The following NSUN6 variants were observed in gnomAD, a reference collection of about 807,000 sequenced individuals.
NSUN6 encodes the protein tRNA (cytosine(72)-C(5))-methyltransferase NSUN6.
A neutral mutation model predicts 58.0 loss-of-function variants in NSUN6; 64 were observed. The ratio of observed to expected loss-of-function variants is 1.10; its 90% CI spans 0.90 to 1.36. The LOEUF (loss-of-function observed/expected upper bound fraction) is 1.36. Ranked by LOEUF, NSUN6 falls within the 40% of genes most tolerant of loss-of-function variation. The probability of loss-of-function intolerance (pLI) is 0.00; values close to 1 mark genes in which losing one functional copy is unlikely to be tolerated. For missense variants in NSUN6, 701 were observed against 550.1 expected (o/e 1.27, Z -2.74); for synonymous variants, 231 against 193.9 (o/e 1.19, Z -1.59).
At chr10:18,650,071 A>G (rs1480866441) in intron 1 of NSUN6, among the ~76,000 whole-genome samples, 3 of 152,388 alleles carry the variant, frequency 2.0e-5, no homozygotes, top group South Asian at 2.1e-4. Context: ...GTAAAGTGGT[A>G]GAGAGGACAG....
intron 5 of NSUN6, among the ~76,000 whole-genome samples, chr10:18,610,366 T>C (rs1295779948): frequency 6.6e-6 from 1 of 152,198 alleles, no homozygotes; most frequent in African/African-American, 2.4e-5. Flanking sequence ...AAGAACTCTT[T>C]TTATTAAACA....
rs566614134 is a variant in NSUN6, at chr10:18,603,487, T to G, written c.657+6358A>C. Among the ~76,000 whole-genome samples the G allele has an allele frequency of 1.7e-3, 252 of 151,960 alleles. 2 individuals are homozygous for G. The highest frequency in any genetic ancestry group is 1.4e-3 in the Non-Finnish European group (94 of 67,934). On this transcript the variant is annotated intron_variant, in intron 6 of 10. Coordinates refer to ENST00000377304, the MANE Select transcript of NSUN6 (RefSeq NM_182543.5). ...TCTTTTCTTTTCTTTTCTTTTTTTT[T>G]GGGATGGAGTCTCGCTCTTGTCGCC...
At chr10:18,603,783 C>G (rs1356061736) in intron 6 of NSUN6, among the ~76,000 whole-genome samples, 3 of 151,994 alleles carry the variant, frequency 2.0e-5, no homozygotes, top group African/African-American at 7.3e-5. Flanking sequence ...GGCCACACAC[C>G]CTTTTTATTA....
chr10:18,593,875 T>TA lies in NSUN6; in HGVS notation c.777+2332dup, dbSNP rs772814324. Among the ~76,000 whole-genome samples, 766 of 96,288 alleles carry TA rather than the reference T, an allele frequency of 8.0e-3. 1 individual carries two copies. The highest frequency in any genetic ancestry group is 0.01 in the Non-Finnish European group (424 of 41,444). The allele number at this position is 96,288 out of a possible 152,430, so 63.2% of individuals were successfully genotyped here. ...TGTATTGCAGAACTTAAAGCACAAT[T>TA]AAAAAAAAAAAAAAAGGGCCAAAAT... On this transcript the variant is annotated intron_variant, in intron 7 of 10. Coordinates refer to ENST00000377304, the MANE Select transcript of NSUN6 (RefSeq NM_182543.5).
At chr10:18,632,053 A>G (rs1329786914) in intron 3 of NSUN6, among the ~76,000 whole-genome samples, 1 of 150,592 alleles carries the variant, frequency 6.6e-6, no homozygotes, top group Admixed American at 6.6e-5. Context: ...GTACCAAAAC[A>G]GAGATATAGA....
At chr10:18,558,763 T>C (rs549206023) in intron 8 of NSUN6, among the ~76,000 whole-genome samples, 5 of 143,686 alleles carry the variant, frequency 3.5e-5, no homozygotes, top group African/African-American at 1.3e-4. Flanking sequence ...ATGGAGGTTG[T>C]TAAGGAGAAT....
chr10:18,560,170 G>A (rs943680597), intron 8 of NSUN6, among the ~76,000 whole-genome samples: 1 of 151,278 alleles, frequency 6.6e-6, no homozygotes, highest in African/African-American at 2.4e-5. Context: ...GGAATGGAAT[G>A]GAATGGAGAA....
chr10:18,564,471 A>G (rs2055774875), intron 8 of NSUN6, among the ~76,000 whole-genome samples: 1 of 146,130 alleles, frequency 6.8e-6, no homozygotes, highest in Non-Finnish European at 1.5e-5. Flanking sequence ...TCTCCATTCC[A>G]TGCTCAATTT....
chr10:18,595,457 T>C (rs2057549115), intron 7 of NSUN6, among the ~76,000 whole-genome samples: 1 of 152,226 alleles, frequency 6.6e-6, no homozygotes, highest in Non-Finnish European at 1.5e-5. Flanking sequence ...TAATCTTCCA[T>C]ATAAAGTGAA....
At chr10:18,609,328 T>A (rs530087282) in intron 6 of NSUN6, among the ~76,000 whole-genome samples, 17 of 151,886 alleles carry the variant, frequency 1.1e-4, no homozygotes, top group South Asian at 2.1e-4. Flanking sequence ...TAATAATAAT[T>A]ATTATTATTA....
At chr10:18,586,128 A>T in intron 7 of NSUN6, 35 bp from the exon 8 acceptor site, 1 of 1,489,070 alleles carries the variant, frequency 6.7e-7, no homozygotes, top group Non-Finnish European at 9.0e-7. Context: ...TGCAGAAAAA[A>T]AAAAAGAAAA....
At chr10:18,552,710 C>T (rs543910246) in intron 8 of NSUN6, among the ~76,000 whole-genome samples, 4 of 150,180 alleles carry the variant, frequency 2.7e-5, no homozygotes, top group East Asian at 2.0e-4. Flanking sequence ...TTCCATTCTG[C>T]GTTCCATTCC....
intron 2 of NSUN6, among the ~76,000 whole-genome samples, chr10:18,644,256 T>G (rs958990775): frequency 6.6e-6 from 1 of 152,138 alleles, no homozygotes; most frequent in Non-Finnish European, 1.5e-5. Flanking sequence ...AAACCAAGCA[T>G]CCCTAGTCTA....
chr10:18,570,763 T>C (rs942853603), intron 8 of NSUN6, among the ~76,000 whole-genome samples: 39 of 143,850 alleles, frequency 2.7e-4, no homozygotes, highest in African/African-American at 9.5e-4. Flanking sequence ...CATTCTCCAT[T>C]CCATTCCATG....
intron 8 of NSUN6, among the ~76,000 whole-genome samples, chr10:18,573,337 CATTCCTTTCCATTCCTCATTCAATTTCCA>C (rs1179568738): frequency 5.9e-4 from 89 of 151,750 alleles, no homozygotes; most frequent in Admixed American, 1.1e-3. Flanking sequence ...TTCCATTACC[CATTCCTTTCCATTCCTCATTCAATTTCCA>C]ATTCCTTTCC....
Position 18,551,915 on chromosome 10 carries a change from T to C in NSUN6, c.979A>G (p.Ser327Gly). The C allele has an allele frequency of 6.2e-7, 1 of 1,610,670 alleles. No homozygotes were observed. The highest frequency in any genetic ancestry group is 8.5e-7 in the Non-Finnish European group (1 of 1,177,082). ...FDRILLDAPC[S>G]GMGQRPNMAC... ...ATGTTTGGTCTCTGTCCCATTCCAC[T>C]ACAGGGTGCATCCAGAAGAATTCGG... The change falls in exon 9 of 11, where the codon AGT becomes GGT. Residue 327 changes from serine to glycine, a missense_variant. Transcript: ENST00000377304.
intron 1 of NSUN6, among the ~76,000 whole-genome samples, chr10:18,649,327 T>C (rs1267383874): frequency 2.0e-5 from 3 of 152,186 alleles, no homozygotes; most frequent in Admixed American, 6.5e-5. Context: ...GACTAAACCC[T>C]GCTTTACAGA....
chr10:18,623,448 T>C (rs1254714891), intron 3 of NSUN6, among the ~76,000 whole-genome samples: 5 of 152,198 alleles, frequency 3.3e-5, no homozygotes, highest in South Asian at 2.1e-4. Context: ...ACAGTGAACT[T>C]TGAGCCAAAC....
rs530605037 is a variant in NSUN6, at chr10:18,621,139, C to T, written c.312-4846G>A. ...ATGATTTATAGTAAATACCAGCTTT[C>T]CTTCTGAGAATCCAGAATGTGGGTA... On this transcript the variant is annotated intron_variant, in intron 3 of 10. Coordinates refer to ENST00000377304, the MANE Select transcript of NSUN6 (RefSeq NM_182543.5). 5.3e-5 allele frequency among the ~76,000 whole-genome samples: 8 copies of T among 152,286 alleles called. No individual in the cohort carries two copies. In the South Asian group the frequency reaches 1.7e-3, roughly 32 times the overall value.
Sources: allele counts gnomAD v4.1 joint callset (sites outside exome capture counted in the v4.1 genomes callset), GRCh38; gene constraint gnomAD v4.1.1; transcripts MANE v1.5; gene names NCBI Gene and HGNC (gene_info 2026-07-23, HGNC 2026-07-21).